Variants in MALRD1 observed in about 807,000 individuals in gnomAD.
The protein encoded by MALRD1 is MAM and LDL receptor class A domain containing 1.
In MALRD1, 247 loss-of-function variants were observed where a neutral mutation model predicts 242.1. The ratio of observed to expected loss-of-function variants is 1.02; its 90% CI spans 0.92 to 1.13. MALRD1 has a LOEUF of 1.13. Among genes scored for constraint, MALRD1 ranks in the 50% most tolerant of loss-of-function variants. MALRD1 has a pLI of 0.00. For missense variants in MALRD1, 2,989 were observed against 2,533.1 expected (o/e 1.18, Z -3.86); for synonymous variants, 995 against 866.6 (o/e 1.15, Z -2.60).
At chr10:19,381,276 A>C (rs1362006288) in intron 26 of MALRD1, among the ~76,000 whole-genome samples, 1 of 151,174 alleles carries the variant, frequency 6.6e-6, no homozygotes, top group Non-Finnish European at 1.5e-5. Context: ...TCCATGGTGT[A>C]TATGTGCCAC....
At chr10:19,518,796 CT>C (rs1485113406) in intron 31 of MALRD1, among the ~76,000 whole-genome samples, 2 of 152,134 alleles carry the variant, frequency 1.3e-5, no homozygotes, top group Non-Finnish European at 2.9e-5. Context: ...CTTTGGCTTA[CT>C]ACATAATTGG....
At chr10:19,591,753 C>G (rs1033720933) in intron 33 of MALRD1, among the ~76,000 whole-genome samples, 1 of 152,160 alleles carries the variant, frequency 6.6e-6, no homozygotes, top group African/African-American at 2.4e-5. Context: ...CCACCTCAGC[C>G]TCCCAAACTG....
At chr10:19,404,918 G>T (rs1192212826) in intron 28 of MALRD1, among the ~76,000 whole-genome samples, 1 of 152,106 alleles carries the variant, frequency 6.6e-6, no homozygotes, top group Admixed American at 6.6e-5. Flanking sequence ...ACAGAGAAGA[G>T]AAAGCAAATG....
intron 32 of MALRD1, among the ~76,000 whole-genome samples, chr10:19,558,300 A>G (rs957900958): frequency 1.3e-5 from 2 of 152,074 alleles, no homozygotes; most frequent in South Asian, 4.2e-4. Flanking sequence ...GTGAGAGCAC[A>G]CATCCTTGCT....
chr10:19,192,299 C>A (rs1175914062), intron 14 of MALRD1, among the ~76,000 whole-genome samples: 1 of 152,070 alleles, frequency 6.6e-6, no homozygotes, highest in African/African-American at 2.4e-5. Flanking sequence ...ACTTAATACT[C>A]CTAAGTTGTG....
intron 31 of MALRD1, among the ~76,000 whole-genome samples, chr10:19,502,929 T>TTAG (rs1564395981): frequency 6.6e-6 from 1 of 151,678 alleles, no homozygotes; most frequent in East Asian, 1.9e-4. Context: ...TTAAAGATTA[T>TTAG]TAAGAGTATT....
intron 12 of MALRD1, among the ~76,000 whole-genome samples, chr10:19,164,817 A>T (rs926869127): frequency 6.6e-6 from 1 of 152,106 alleles, no homozygotes; most frequent in African/African-American, 2.4e-5. Context: ...TAGTTAAGCC[A>T]TCAAACCTTT....
intron 21 of MALRD1, among the ~76,000 whole-genome samples, chr10:19,293,761 G>A (rs543589819): frequency 1.6e-4 from 24 of 152,266 alleles, no homozygotes; most frequent in African/African-American, 5.8e-4. Context: ...TTTGAGGGTG[G>A]AGGGTGGGAG....
chr10:19,050,535 A>T (rs1468689746), intron 1 of MALRD1, among the ~76,000 whole-genome samples: 1 of 152,212 alleles, frequency 6.6e-6, no homozygotes, highest in African/African-American at 2.4e-5. Context: ...CAGAAGAGTG[A>T]TTACTGAAGA....
intron 19 of MALRD1, among the ~76,000 whole-genome samples, chr10:19,277,607 T>A (rs1199745881): frequency 1.3e-5 from 2 of 152,206 alleles, no homozygotes; most frequent in Non-Finnish European, 1.5e-5. Flanking sequence ...CAGGGTAGCC[T>A]GGAAGACATA....
At chr10:19,371,358 C>T (rs1222882671) in intron 26 of MALRD1, among the ~76,000 whole-genome samples, 2 of 152,152 alleles carry the variant, frequency 1.3e-5, no homozygotes, top group Non-Finnish European at 2.9e-5. Context: ...TATGTAGTAT[C>T]CTTTATCAGT....
chr10:19,653,589 T>C (rs542556107), intron 36 of MALRD1, among the ~76,000 whole-genome samples: 2 of 152,342 alleles, frequency 1.3e-5, no homozygotes, highest in South Asian at 4.1e-4. Flanking sequence ...GTTGAAGTTT[T>C]CATTTGTTCA....
chr10:19,303,236 A>C (rs1310235198), intron 21 of MALRD1, among the ~76,000 whole-genome samples: 1 of 151,708 alleles, frequency 6.6e-6, no homozygotes, highest in South Asian at 2.1e-4. Context: ...GCAAGCTGGC[A>C]TAACAATATA....
intron 30 of MALRD1, among the ~76,000 whole-genome samples, chr10:19,496,596 C>T (rs1837730795): frequency 6.6e-6 from 1 of 152,110 alleles, no homozygotes; most frequent in Non-Finnish European, 1.5e-5. Flanking sequence ...ATGCCCACAT[C>T]AAAAAGTTGG....
rs559094910 is a variant in MALRD1, at chr10:19,377,777, G to T, written c.4442-9751G>T. ...CAGGAATTAATAGATTATTATTTCT[G>T]AGTATTTTGTTTGCATTGCCAGTAT... On this transcript the variant is annotated intron_variant, in intron 26 of 39. Transcript: ENST00000454679. Among the ~76,000 whole-genome samples the T allele has an allele frequency of 4.6e-5, 7 of 152,074 alleles. No individual in the cohort carries two copies. The South Asian group carries it at 1.0e-3, about 23-fold the overall frequency.
At chr10:19,474,997 G>A (rs2884446) in intron 29 of MALRD1, among the ~76,000 whole-genome samples, 131,240 of 152,256 alleles carry the variant, frequency 0.86, 56,724 homozygotes, top group East Asian at 1. Context: ...GCTTCATATA[G>A]GAAGTTCAAT....
intron 14 of MALRD1, among the ~76,000 whole-genome samples, chr10:19,192,920 G>A (rs958914355): frequency 2.7e-5 from 4 of 148,170 alleles, no homozygotes; most frequent in African/African-American, 9.8e-5. Context: ...CTTTGAAGGT[G>A]ATTTATGCTT....
chr10:19,202,876 T>C (rs779245592), intron 14 of MALRD1, among the ~76,000 whole-genome samples: 2 of 152,192 alleles, frequency 1.3e-5, no homozygotes, highest in Admixed American at 6.5e-5. Context: ...AATATTTGGA[T>C]TACGTTCCCA....
At chr10:19,403,762 A>C (rs1846968218) in intron 28 of MALRD1, among the ~76,000 whole-genome samples, 2 of 152,150 alleles carry the variant, frequency 1.3e-5, no homozygotes, top group Non-Finnish European at 2.9e-5. Flanking sequence ...TTAGAGCTGC[A>C]TATGGCTCCT....
Sources: gnomAD v4.1 joint callset for allele counts (sites outside exome capture counted in the v4.1 genomes callset) on GRCh38, gnomAD v4.1.1 for gene constraint, MANE v1.5 for transcripts, NCBI Gene and HGNC (gene_info 2026-07-23, HGNC 2026-07-21) for gene names.